RCAN2: variants seen among roughly 807,000 people sequenced by gnomAD.
RCAN2 encodes the protein regulator of calcineurin 2.
A neutral mutation model predicts 23.6 loss-of-function variants in RCAN2; 9 were observed. The observed-to-expected ratio is 0.38, with a 90% CI of 0.23 to 0.67. The LOEUF (loss-of-function observed/expected upper bound fraction) is 0.67, where lower values mean the gene tolerates loss of function less well. Among genes scored for constraint, RCAN2 ranks in the 30% least tolerant of loss-of-function variants. RCAN2 has a pLI of 0.51. For synonymous variants in RCAN2, 109 were observed against 115.7 expected (o/e 0.94, Z 0.37); for missense variants, 273 against 302.3 (o/e 0.90, Z 0.72).
At chr6:46,457,624 A>G (rs1359359978) in intron 1 of RCAN2, among the ~76,000 whole-genome samples, 2 of 152,132 alleles carry the variant, frequency 1.3e-5, no homozygotes, top group African/African-American at 4.8e-5. Flanking sequence ...CTAACAGGTA[A>G]TAGTTCATCC....
chr6:46,441,535 TA>T (rs1767546596), intron 2 of RCAN2, among the ~76,000 whole-genome samples: 1 of 152,268 alleles, frequency 6.6e-6, no homozygotes, highest in African/African-American at 2.4e-5. Context: ...TAATAATAGC[TA>T]AAAATTTTTT....
chr6:46,242,783 G>A (rs765952958), intron 4 of RCAN2, among the ~76,000 whole-genome samples: 14 of 152,260 alleles, frequency 9.2e-5, no homozygotes, highest in Admixed American at 6.5e-4. Context: ...AATGCTTCCC[G>A]ACTGAGTCTG....
At chr6:46,294,062 T>C (rs765593919) in intron 2 of RCAN2, among the ~76,000 whole-genome samples, 3 of 152,308 alleles carry the variant, frequency 2.0e-5, no homozygotes, top group South Asian at 4.1e-4. Context: ...AGCTAAGGCA[T>C]TTCAACCTCA....
chr6:46,320,236 T>C (rs961174601), intron 2 of RCAN2, among the ~76,000 whole-genome samples: 3 of 152,158 alleles, frequency 2.0e-5, no homozygotes, highest in African/African-American at 7.2e-5. Context: ...GGGCATGAAG[T>C]TCAACCAGCT....
intron 2 of RCAN2, among the ~76,000 whole-genome samples, chr6:46,342,724 G>T (rs183176792): frequency 6.6e-5 from 10 of 151,702 alleles, no homozygotes; most frequent in Admixed American, 6.6e-4. Flanking sequence ...TTCATCCTTG[G>T]TGTAGTTGTG....
chr6:46,226,550 G>T (rs547611505), intron 4 of RCAN2, among the ~76,000 whole-genome samples: 19 of 152,254 alleles, frequency 1.2e-4, no homozygotes, highest in Admixed American at 5.2e-4. Flanking sequence ...TGAAGAAATT[G>T]TGAATGGGAG....
intron 2 of RCAN2, among the ~76,000 whole-genome samples, chr6:46,422,152 C>G (rs1323836056): frequency 6.6e-6 from 1 of 152,126 alleles, no homozygotes; most frequent in African/African-American, 2.4e-5. Flanking sequence ...AATATCCTCC[C>G]TGGGTGGTGG....
intron 2 of RCAN2, among the ~76,000 whole-genome samples, chr6:46,393,387 T>C (rs549332357): frequency 5.5e-4 from 83 of 152,230 alleles, no homozygotes; most frequent in African/African-American, 1.7e-3. Flanking sequence ...ACTGAGATAA[T>C]ACAATTGAAG....
chr6:46,491,200 G>GAGGCGT lies in RCAN2; in HGVS notation c.-31_-30insACGCCT, dbSNP rs1769135343. ...GCTGGGCGTCCGCGATGCGCCGGCG[G>GAGGCGT]AGGCGGAGGCGGAGGCGGCGGCTGG... On this transcript the variant is annotated 5_prime_UTR_variant, in exon 1 of 5. Transcript: ENST00000371374. 2 of 151,454 alleles carry GAGGCGT rather than the reference G, an allele frequency of 1.3e-5. No homozygotes were observed. The highest frequency in any genetic ancestry group is 2.9e-5 in the Non-Finnish European group (2 of 67,906). The allele number at this position is 151,454 out of a possible 1,614,324, so 9.4% of individuals were successfully genotyped here.
intron 1 of RCAN2, among the ~76,000 whole-genome samples, chr6:46,472,130 C>T (rs1175412253): frequency 1.3e-5 from 2 of 152,192 alleles, no homozygotes; most frequent in South Asian, 2.1e-4. Flanking sequence ...CCCACAACAA[C>T]GTAGCTTTTA....
At chr6:46,341,870 G>T (rs765944541) in intron 2 of RCAN2, among the ~76,000 whole-genome samples, 16 of 152,146 alleles carry the variant, frequency 1.1e-4, no homozygotes, top group Admixed American at 2.0e-4. Context: ...TCAGGTAAGG[G>T]TTGTGGTAAA....
intron 2 of RCAN2, among the ~76,000 whole-genome samples, chr6:46,431,366 G>C (rs999618842): frequency 6.6e-6 from 1 of 152,020 alleles, no homozygotes; most frequent in African/African-American, 2.4e-5. Context: ...CCACATGCCT[G>C]GCCCCAACTT....
At chr6:46,295,624 C>A (rs964927902) in intron 2 of RCAN2, among the ~76,000 whole-genome samples, 1 of 152,056 alleles carries the variant, frequency 6.6e-6, no homozygotes, top group Non-Finnish European at 1.5e-5. Flanking sequence ...AAAGGCAGGA[C>A]TGCAGGGAAG....
At chr6:46,386,078 C>A (rs1765736708) in intron 2 of RCAN2, among the ~76,000 whole-genome samples, 1 of 151,986 alleles carries the variant, frequency 6.6e-6, no homozygotes, top group Non-Finnish European at 1.5e-5. Context: ...ATCAGTCGAG[C>A]AGGCAACCTA....
chr6:46,390,948 G>T (rs1765914900), intron 2 of RCAN2, among the ~76,000 whole-genome samples: 1 of 152,168 alleles, frequency 6.6e-6, no homozygotes, highest in Non-Finnish European at 1.5e-5. Context: ...ATGAGTGGCA[G>T]GGGGGACCAG....
intron 2 of RCAN2, among the ~76,000 whole-genome samples, chr6:46,376,337 A>G (rs1003793537): frequency 4.6e-5 from 7 of 152,226 alleles, no homozygotes; most frequent in African/African-American, 1.7e-4. Flanking sequence ...ACAAAATCAA[A>G]TTGAAGAACT....
At chr6:46,413,305 T>A (rs554980770) in intron 2 of RCAN2, among the ~76,000 whole-genome samples, 1 of 152,248 alleles carries the variant, frequency 6.6e-6, no homozygotes, top group Non-Finnish European at 1.5e-5. Context: ...AAGGACAGAT[T>A]ACATCCTGGA....
chr6:46,447,279 G>A (rs1017705004), intron 2 of RCAN2, among the ~76,000 whole-genome samples: 2 of 151,898 alleles, frequency 1.3e-5, no homozygotes, highest in Non-Finnish European at 2.9e-5. Context: ...GATAATAACG[G>A]TTGTAAATAT....
chr6:46,354,542 T>C (rs945742530), intron 2 of RCAN2, among the ~76,000 whole-genome samples: 1 of 152,208 alleles, frequency 6.6e-6, no homozygotes, highest in African/African-American at 2.4e-5. Context: ...CCTGAGTCTG[T>C]AATTATTTCA....
Sources: gnomAD v4.1 joint callset for allele counts (sites outside exome capture counted in the v4.1 genomes callset) on GRCh38, gnomAD v4.1.1 for gene constraint, MANE v1.5 for transcripts, NCBI Gene and HGNC (gene_info 2026-07-23, HGNC 2026-07-21) for gene names.